The following SEPTIN6 variants were observed in gnomAD, a reference collection of about 807,000 sequenced individuals.
The protein encoded by SEPTIN6 is septin 6.
Under a neutral mutation model 33.6 loss-of-function variants are expected in SEPTIN6, and 8 were observed. That is an observed-to-expected ratio of 0.24 (90% CI 0.14 to 0.43). The LOEUF is 0.43. Ranked by LOEUF, SEPTIN6 falls within the 20% of genes least tolerant of loss-of-function variation. SEPTIN6 has a pLI of 1.00. For synonymous variants in SEPTIN6, 131 were observed against 140.0 expected, an observed-to-expected ratio of 0.94 and a Z score of 0.45; for missense variants, 250 against 340.8, an observed-to-expected ratio of 0.73 and a Z score of 2.10.
chrX:119,666,348 G>A (rs2054639481), intron 2 of SEPTIN6, among the ~76,000 whole-genome samples: 1 of 111,915 alleles, frequency 8.9e-6, no homozygotes, highest in Non-Finnish European at 1.9e-5. Context: ...GTGGTTCAGG[G>A]CTACGGTTAG....
At chrX:119,647,975 T>TTTTTTTTTTTTTTTTTTTTTTTTGAGA (rs2054294627) in intron 5 of SEPTIN6, among the ~76,000 whole-genome samples, 2 of 106,504 alleles carry the variant, frequency 1.9e-5, no homozygotes, top group African/African-American at 7.2e-5. Flanking sequence ...TTTTTAAATT[T>TTTTTTTTTTTTTTTTTTTTTTTTGAGA]CAGTAGAGAT....
intron 10 of SEPTIN6, among the ~76,000 whole-genome samples, chrX:119,621,152 C>G: frequency 9.1e-6 from 1 of 110,169 alleles, no homozygotes; most frequent in Non-Finnish European, 1.9e-5. Flanking sequence ...TTAGAGCTGT[C>G]CTAGTCAGCT....
rs2053683605 is a variant in SEPTIN6 at position 119,617,445 on chromosome X, T to C, written c.*2648A>G. ...TTATAAGGGTCACCTAGGGCACCTG[T>C]TACACACAGTCTCCTGGACCCCGTT... On this transcript the variant is annotated 3_prime_UTR_variant, in exon 11 of 11. Transcript: ENST00000394610. 1.2e-6 allele frequency: 1 copy of C among 804,103 alleles called. No homozygotes were observed. Among genetic ancestry groups the C allele is most frequent in the Non-Finnish European group, 1.5e-6 (1 of 669,927 alleles). The allele number at this position is 804,103 out of a possible 1,213,427, so 66.3% of individuals were successfully genotyped here.
chrX:119,658,099 T>G (rs1002769355), intron 3 of SEPTIN6, among the ~76,000 whole-genome samples: 4 of 112,026 alleles, frequency 3.6e-5, no homozygotes, highest in Admixed American at 2.8e-4. Flanking sequence ...TGCACTCCCG[T>G]CTGGGCAACA....
Position 119,617,368 on chromosome X carries a change from T to A in SEPTIN6, c.*2725A>T. ...CACATTTTAATAGGTTGATCAACTT[T>A]TTAATTTATGTTCACTCATGGGTTC... On this transcript the variant is annotated 3_prime_UTR_variant, in exon 11 of 11. Coordinates refer to ENST00000394610, the MANE Select transcript of SEPTIN6 (RefSeq NM_145799.4). The A allele has an allele frequency of 7.7e-5, 62 of 804,574 alleles. No homozygotes were observed. Among genetic ancestry groups the A allele is most frequent in the Non-Finnish European group, 9.3e-5 (62 of 670,248 alleles). The allele number at this position is 804,574 out of a possible 1,213,427, so 66.3% of individuals were successfully genotyped here. A position where few individuals can be genotyped will look rare whatever the true frequency, so the allele number is the denominator to read the frequency against.
chrX:119,673,603 A>G (rs2054785874), intron 2 of SEPTIN6, among the ~76,000 whole-genome samples: 1 of 110,930 alleles, frequency 9.0e-6, no homozygotes, highest in African/African-American at 3.3e-5. Context: ...GCGGTGGCTC[A>G]TGCCTGTAAT....
In SEPTIN6 at chrX:119,619,762, C is replaced by G; in HGVS notation, c.*331G>C. 9.9e-7 allele frequency: 1 copy of G among 1,008,461 alleles called. No individual in the cohort carries two copies. Among genetic ancestry groups the G allele is most frequent in the Non-Finnish European group, 1.3e-6 (1 of 794,320 alleles). 83.1% of individuals were successfully genotyped at this position (1,008,461 alleles called of 1,213,427 possible). On this transcript the variant is annotated 3_prime_UTR_variant, in exon 11 of 11. Transcript: ENST00000394610. ...TGGGAAAGAGTAGCAGATGGGCCCC[C>G]TGACCATGTCACACCTCTGGCAAAG...
At chrX:119,624,144 G>GTT in intron 10 of SEPTIN6, 20 of 211,450 alleles carry the variant, frequency 9.5e-5, no homozygotes, top group South Asian at 3.6e-4. Flanking sequence ...TTTATTATGG[G>GTT]TTTTTTTTTT....
At chrX:119,624,336 C>T (rs1286671021) in intron 10 of SEPTIN6, among the ~76,000 whole-genome samples, 6 of 109,409 alleles carry the variant, frequency 5.5e-5, no homozygotes, top group African/African-American at 2.0e-4. Context: ...CCACCACGCC[C>T]GGCTAATTTT....
At chrX:119,645,546 T>C (rs945495102) in intron 5 of SEPTIN6, among the ~76,000 whole-genome samples, 4 of 111,147 alleles carry the variant, frequency 3.6e-5, no homozygotes, top group East Asian at 2.8e-4. Flanking sequence ...TATAGGCATG[T>C]GCCACCATGC....
chrX:119,647,450 ACTTT>A (rs2054279146), intron 5 of SEPTIN6, among the ~76,000 whole-genome samples: 2 of 63,045 alleles, frequency 3.2e-5, no homozygotes, highest in Non-Finnish European at 5.7e-5. Flanking sequence ...CTCTTTATTT[ACTTT>A]CTTTTTCTTT....
chrX:119,676,527 T>C (rs964857305), intron 1 of SEPTIN6, among the ~76,000 whole-genome samples: 2 of 111,181 alleles, frequency 1.8e-5, no homozygotes, highest in African/African-American at 6.6e-5. Flanking sequence ...CCCAACACTT[T>C]GGGAGGCCAA....
chrX:119,646,971 T>C (rs1397479579), intron 5 of SEPTIN6: 1 of 127,535 alleles, frequency 7.8e-6, no homozygotes, highest in Middle Eastern at 1.0e-3. Flanking sequence ...TCACAGCGCA[T>C]GTAACACAAA....
intron 3 of SEPTIN6, among the ~76,000 whole-genome samples, chrX:119,661,029 G>A (rs1339021657): frequency 1.4e-5 from 1 of 69,368 alleles, no homozygotes; most frequent in Non-Finnish European, 2.5e-5. Context: ...GTGACAGAGT[G>A]TGACTCCATC....
chrX:119,647,994 A>C (rs6645586), intron 5 of SEPTIN6, among the ~76,000 whole-genome samples: 1 of 100,030 alleles, frequency 1.0e-5, no homozygotes, highest in Non-Finnish European at 2.0e-5. Flanking sequence ...ATGAGGTCTC[A>C]CTATGTTGTT....
chrX:119,654,312 T>TC (rs2054400028), intron 3 of SEPTIN6, among the ~76,000 whole-genome samples: 1 of 110,732 alleles, frequency 9.0e-6, no homozygotes, highest in Non-Finnish European at 1.9e-5. Context: ...TCCCACGTCA[T>TC]CCCCGTCACC....
chrX:119,690,338 T>TACACACACACACACACAC (rs1457561819), intron 1 of SEPTIN6, among the ~76,000 whole-genome samples: 1 of 67,321 alleles, frequency 1.5e-5, no homozygotes, highest in African/African-American at 4.3e-5. Flanking sequence ...ACCCCCCACA[T>TACACACACACACACACAC]ACATACACAT....
rs2054327837 is a variant in SEPTIN6, at chrX:119,650,094, T to A, written c.533A>T (p.Asn178Ile). Residue 178 changes from asparagine to isoleucine, a missense_variant, in exon 5 of 11, where the codon AAC becomes ATC. Coordinates refer to ENST00000394610, the MANE Select transcript of SEPTIN6 (RefSeq NM_145799.4). ...VTMKKLDSKV[N>I]IIPIIAKADA... ...TGCTTTGGCAATGATGGGGATGATG[T>A]TCACCTAGGGAGAGGAGGGGCAAAG... The A allele has an allele frequency of 8.3e-7, 1 of 1,208,965 alleles. No individual in the cohort carries two copies. Among genetic ancestry groups the A allele is most frequent in the Non-Finnish European group, 1.1e-6 (1 of 894,771 alleles).
At chrX:119,692,722 C>T (rs777280753) in intron 1 of SEPTIN6, among the ~76,000 whole-genome samples, 2 of 112,813 alleles carry the variant, frequency 1.8e-5, no homozygotes, top group African/African-American at 6.4e-5. Flanking sequence ...GCCAGGGACC[C>T]GGAGGGCTCG....
Sources: gnomAD v4.1 joint callset for allele counts (sites outside exome capture counted in the v4.1 genomes callset) on GRCh38, gnomAD v4.1.1 for gene constraint, MANE v1.5 for transcripts, NCBI Gene and HGNC (gene_info 2026-07-23, HGNC 2026-07-21) for gene names.